FBRSL1: variants seen among roughly 807,000 people sequenced by gnomAD.
The protein encoded by FBRSL1 is fibrosin-1-like protein.
FBRSL1 carries 51 observed loss-of-function variants against 89.6 expected under a neutral mutation model. That is an observed-to-expected ratio of 0.57 (90% CI 0.45 to 0.72). FBRSL1 has a LOEUF of 0.72. FBRSL1 is among the 30% of genes least tolerant of loss of function. FBRSL1 has a pLI of 0.00. For missense variants in FBRSL1, 1,618 were observed against 1,451.8 expected (o/e 1.11, Z -1.86); for synonymous variants, 779 against 681.1 (o/e 1.14, Z -2.24).
At chr12:132,509,020 T>G (rs907609484) in intron 2 of FBRSL1, 2 of 1,154,900 alleles carry the variant, frequency 1.7e-6, no homozygotes, top group African/African-American at 3.2e-5. Flanking sequence ...AGGGTGGGGC[T>G]CTGCGCGGTG....
Position 132,583,479 on chromosome 12 carries a change from C to T in FBRSL1, c.2710C>T (p.Arg904Cys). ...CGAGCGCCTGCGCGGGGAGCTGGAG[C>T]GCGCGCGGGCCCCGCACCTGCCGCC... ...SPERLRGELERARAPHLPPAA... is the reference protein window; with the variant it reads ...SPERLRGELECARAPHLPPAA... Residue 904 changes from arginine (R) to cysteine (C), a missense_variant, in exon 19 of 19, where the codon CGC (arginine) becomes TGC (cysteine). By Grantham distance (180) the Arg-to-Cys change is radical (BLOSUM62 -3). Coordinates refer to ENST00000680143, the MANE Select transcript of FBRSL1 (RefSeq NM_001367871.1). 9.5e-7 allele frequency: 1 copy of T among 1,049,656 alleles called. No homozygotes were observed. Among genetic ancestry groups the T allele is most frequent in the African/African-American group, 1.7e-5 (1 of 57,178 alleles). 65.0% of individuals were successfully genotyped at this position (1,049,656 alleles called of 1,614,324 possible).
chr12:132,512,208 G>T (rs2034421918), intron 2 of FBRSL1, among the ~76,000 whole-genome samples: 1 of 152,246 alleles, frequency 6.6e-6, no homozygotes, highest in Non-Finnish European at 1.5e-5. Context: ...TGTGACAGGG[G>T]TCGAGACCCC....
intron 4 of FBRSL1, among the ~76,000 whole-genome samples, chr12:132,534,243 T>TGGGC (rs2036533122): frequency 1.3e-5 from 2 of 152,186 alleles, no homozygotes; most frequent in African/African-American, 4.8e-5. Context: ...CTGGCCTCCA[T>TGGGC]GGGCTGCGGG....
chr12:132,553,278 T>G (rs2038347081), intron 5 of FBRSL1: 1 of 152,136 alleles, frequency 6.6e-6, no homozygotes, highest in Non-Finnish European at 1.5e-5. Flanking sequence ...CCTCACAGGG[T>G]GTGTGGGGTT....
rs7134476 is a variant in FBRSL1 at position 132,566,965 on chromosome 12, C to T, written c.646-516C>T. Reference sequence around the variant, plus strand: ...CATAGCGAGGTGCCCTGCAGCCTTGCGGACCCACATGTCCAGCCTGGTCGG... The same window carrying T: ...CATAGCGAGGTGCCCTGCAGCCTTGTGGACCCACATGTCCAGCCTGGTCGG... On this transcript the variant is annotated intron_variant, in intron 5 of 18. Transcript: ENST00000680143. Among the ~76,000 whole-genome samples the T allele has an allele frequency of 2.5e-3, 387 of 152,334 alleles. 1 individual carries two copies. The highest frequency in any genetic ancestry group is 8.9e-3 in the African/African-American group (372 of 41,572).
At chr12:132,571,854 G>A in intron 9 of FBRSL1, 1 of 329,514 alleles carries the variant, frequency 3.0e-6, no homozygotes, top group Non-Finnish European at 5.5e-6. Flanking sequence ...CATGACTCAG[G>A]GTGCCTCCCG....
chr12:132,547,946 G>C, intron 4 of FBRSL1, 57 bp from the exon 5 acceptor site: 1 of 1,540,060 alleles, frequency 6.5e-7, no homozygotes, highest in Admixed American at 2.0e-5. Context: ...GCCGTGCCCC[G>C]GGGGGTGACA....
At chr12:132,495,639 C>T (rs2031890806) in intron 1 of FBRSL1, among the ~76,000 whole-genome samples, 1 of 152,248 alleles carries the variant, frequency 6.6e-6, no homozygotes, top group Admixed American at 6.5e-5. Context: ...GAGCCGGGGC[C>T]TGCCCTGTGA....
intron 2 of FBRSL1, chr12:132,509,460 G>A: frequency 8.1e-7 from 1 of 1,239,428 alleles, no homozygotes. Context: ...TCCATCCCCA[G>A]ATCAGCTCTG....
At chr12:132,515,899 C>CAAAAA (rs60767937) in intron 2 of FBRSL1, among the ~76,000 whole-genome samples, 3 of 65,578 alleles carry the variant, frequency 4.6e-5, no homozygotes, top group African/African-American at 6.0e-5. Flanking sequence ...GACTCCGTCT[C>CAAAAA]AAAAAAAAAA....
intron 15 of FBRSL1, chr12:132,580,703 G>A: frequency 1.1e-6 from 1 of 906,162 alleles, no homozygotes; most frequent in Non-Finnish European, 1.3e-6. Flanking sequence ...TCCTACATGG[G>A]AGGCATGAGC....
chr12:132,574,656 C>T (rs1411436479), intron 14 of FBRSL1, 92 bp downstream of exon 14: 1 of 1,428,912 alleles, frequency 7.0e-7, no homozygotes, highest in African/African-American at 1.4e-5. Context: ...TGTGTGTTCA[C>T]ACGCGTGTGC....
At chr12:132,496,527 C>T (rs924805030) in intron 1 of FBRSL1, among the ~76,000 whole-genome samples, 2 of 152,206 alleles carry the variant, frequency 1.3e-5, no homozygotes, top group Non-Finnish European at 2.9e-5. Context: ...TACCTGGGTA[C>T]TTTGTTGGAT....
At chr12:132,525,876 G>A (rs4883569) in intron 3 of FBRSL1, 53 bp downstream of exon 3, 438,420 of 1,416,020 alleles carry the variant, frequency 0.31, 72,485 homozygotes, top group African/African-American at 0.58. Context: ...CCGCCTGCCC[G>A]CTGCGCCCCG....
intron 1 of FBRSL1, among the ~76,000 whole-genome samples, chr12:132,503,743 C>A (rs938277478): frequency 6.6e-6 from 1 of 152,214 alleles, no homozygotes; most frequent in Non-Finnish European, 1.5e-5. Flanking sequence ...TTTTCAGGTG[C>A]TCTGCAGGGA....
intron 2 of FBRSL1, among the ~76,000 whole-genome samples, chr12:132,522,503 G>T (rs1403155794): frequency 1.3e-5 from 2 of 152,228 alleles, no homozygotes; most frequent in Non-Finnish European, 2.9e-5. Context: ...CTGCCCAGTG[G>T]AGTGCAGCTT....
chr12:132,529,118 G>A (rs1402884531), intron 4 of FBRSL1, among the ~76,000 whole-genome samples: 2 of 152,180 alleles, frequency 1.3e-5, no homozygotes, highest in African/African-American at 4.8e-5. Context: ...GGGCTCGTGG[G>A]AGGGTGGGGG....
chr12:132,494,161 G>A (rs1214380898), intron 1 of FBRSL1, among the ~76,000 whole-genome samples: 1 of 152,170 alleles, frequency 6.6e-6, no homozygotes, highest in African/African-American at 2.4e-5. Context: ...TTCTGACCGG[G>A]AACTCTGGGT....
At chr12:132,541,723 T>C (rs4883560) in intron 4 of FBRSL1, among the ~76,000 whole-genome samples, 114,690 of 152,254 alleles carry the variant, frequency 0.75, 43,827 homozygotes, top group African/African-American at 0.9. Flanking sequence ...CCAGCCCCTG[T>C]CCCTTATTTC....
Sources: gnomAD v4.1 joint callset for allele counts (sites outside exome capture counted in the v4.1 genomes callset) on GRCh38, gnomAD v4.1.1 for gene constraint, MANE v1.5 for transcripts, NCBI Gene and HGNC (gene_info 2026-07-23, HGNC 2026-07-21) for gene names.